The following CDC42SE2 variants were observed in gnomAD, a reference collection of about 807,000 sequenced individuals.
The protein encoded by CDC42SE2 is CDC42 small effector 2, also known as CDC42 small effector protein 2.
CDC42SE2 carries 3 observed loss-of-function variants against 11.5 expected under a neutral mutation model. The ratio of observed to expected loss-of-function variants is 0.26; its 90% CI spans 0.12 to 0.67. The LOEUF (loss-of-function observed/expected upper bound fraction) is 0.67. Among genes scored for constraint, CDC42SE2 ranks in the 30% least tolerant of loss-of-function variants. The pLI is 0.80. For synonymous variants in CDC42SE2, 33 were observed against 34.8 expected, an observed-to-expected ratio of 0.95 and a Z score of 0.18; for missense variants, 82 against 106.8, an observed-to-expected ratio of 0.77 and a Z score of 1.02.
At chr5:131,335,481 G>A (rs1758534072) in intron 2 of CDC42SE2, among the ~76,000 whole-genome samples, 1 of 152,152 alleles carries the variant, frequency 6.6e-6, no homozygotes, top group African/African-American at 2.4e-5. Flanking sequence ...TGTCTATTAG[G>A]TCGGCTTGGT....
intron 2 of CDC42SE2, among the ~76,000 whole-genome samples, chr5:131,351,461 A>C (rs372511368): frequency 3.3e-5 from 5 of 152,118 alleles, no homozygotes; most frequent in East Asian, 1.9e-4. Flanking sequence ...TCACCATGTT[A>C]GCCAGGATGG....
At chr5:131,374,360 T>C (rs1750090899) in intron 3 of CDC42SE2, among the ~76,000 whole-genome samples, 1 of 151,908 alleles carries the variant, frequency 6.6e-6, no homozygotes, top group Admixed American at 6.6e-5. Context: ...GCCAAGACGG[T>C]GAAACCCCAT....
chr5:131,326,968 T>A (rs1758313257), intron 2 of CDC42SE2, among the ~76,000 whole-genome samples: 1 of 152,178 alleles, frequency 6.6e-6, no homozygotes, highest in African/African-American at 2.4e-5. Flanking sequence ...TTGTTTGGTT[T>A]ATCCTTTCTT....
intron 1 of CDC42SE2, among the ~76,000 whole-genome samples, chr5:131,288,290 T>C (rs1024940207): frequency 6.6e-6 from 1 of 152,092 alleles, no homozygotes; most frequent in African/African-American, 2.4e-5. Context: ...ACTTTTCCTC[T>C]TATAATGTGG....
chr5:131,309,868 TC>T (rs1757864089), intron 1 of CDC42SE2, among the ~76,000 whole-genome samples: 1 of 152,040 alleles, frequency 6.6e-6, no homozygotes, highest in African/African-American at 2.4e-5. Flanking sequence ...TAGCGGTCTA[TC>T]AATTTTGTTG....
chr5:131,262,709 A>AT (rs1561563598), upstream of CDC42SE2, among the ~76,000 whole-genome samples: 1 of 152,202 alleles, frequency 6.6e-6, no homozygotes, highest in African/African-American at 2.4e-5. Flanking sequence ...TCCTGTATAA[A>AT]TTATCTATAG....
chr5:131,356,163 T>C (rs1257366443), intron 2 of CDC42SE2, among the ~76,000 whole-genome samples: 3 of 152,208 alleles, frequency 2.0e-5, no homozygotes, highest in East Asian at 1.9e-4. Context: ...CCCTTAGTTA[T>C]GTGTGGAATT....
At chr5:131,307,872 A>G (rs943509610) in intron 1 of CDC42SE2, among the ~76,000 whole-genome samples, 2 of 152,106 alleles carry the variant, frequency 1.3e-5, no homozygotes, top group African/African-American at 4.8e-5. Flanking sequence ...CTTCTTTTGA[A>G]AAGTGTCTGC....
intron 2 of CDC42SE2, among the ~76,000 whole-genome samples, chr5:131,346,608 G>A (rs1023933038): frequency 1.4e-4 from 22 of 152,006 alleles, no homozygotes; most frequent in African/African-American, 3.9e-4. Flanking sequence ...ACAGAAAGTT[G>A]ACAAGGATAT....
At chr5:131,336,335 G>T (rs899290751) in intron 2 of CDC42SE2, among the ~76,000 whole-genome samples, 2 of 152,232 alleles carry the variant, frequency 1.3e-5, no homozygotes, top group African/African-American at 4.8e-5. Context: ...TCTGCCGAGA[G>T]ATCTGCTGTT....
intron 1 of CDC42SE2, among the ~76,000 whole-genome samples, chr5:131,295,781 C>A (rs1361464441): frequency 6.6e-6 from 1 of 151,718 alleles, no homozygotes; most frequent in Non-Finnish European, 1.5e-5. Flanking sequence ...CTCCCGGGTT[C>A]ACGCCATTCT....
chr5:131,366,981 C>T (rs1409512151), intron 3 of CDC42SE2, among the ~76,000 whole-genome samples: 3 of 151,800 alleles, frequency 2.0e-5, no homozygotes, highest in Non-Finnish European at 4.4e-5. Flanking sequence ...GAGCCAGGAT[C>T]GCATCCCTGC....
chr5:131,213,222 AG>A, the CDC42SE2 span, among the ~76,000 whole-genome samples: 2 of 151,968 alleles, frequency 1.3e-5, no homozygotes, highest in Admixed American at 6.5e-5. Context: ...ATAATCCATT[AG>A]TTCATAAAGA....
chr5:131,292,509 A>C (rs1757477852), intron 1 of CDC42SE2, among the ~76,000 whole-genome samples: 1 of 148,434 alleles, frequency 6.7e-6, no homozygotes, highest in Non-Finnish European at 1.5e-5. Context: ...CGGAGGTTGC[A>C]GTGAGCCGAG....
intron 4 of CDC42SE2, among the ~76,000 whole-genome samples, chr5:131,389,545 A>G (rs1037773238): frequency 6.6e-6 from 1 of 152,220 alleles, no homozygotes; most frequent in Non-Finnish European, 1.5e-5. Flanking sequence ...TAAATAAGCT[A>G]TGCATTTTCT....
the CDC42SE2 span, among the ~76,000 whole-genome samples, chr5:131,227,955 A>G: frequency 6.6e-6 from 1 of 152,246 alleles, no homozygotes; most frequent in East Asian, 1.9e-4. Flanking sequence ...TGGGAGGCCA[A>G]GGCAGGCAGA....
intron 1 of CDC42SE2, among the ~76,000 whole-genome samples, chr5:131,311,262 A>G (rs1177513845): frequency 6.6e-6 from 1 of 150,472 alleles, no homozygotes; most frequent in Non-Finnish European, 1.5e-5. Context: ...AGAATGTTGA[A>G]TATTGGCCCA....
chr5:131,280,469 T>C (rs1757216092), intron 1 of CDC42SE2, among the ~76,000 whole-genome samples: 1 of 152,198 alleles, frequency 6.6e-6, no homozygotes, highest in South Asian at 2.1e-4. Context: ...GAAAGGGTCA[T>C]ATTGGAAAGT....
intron 3 of CDC42SE2, among the ~76,000 whole-genome samples, chr5:131,384,809 G>A (rs143222050): frequency 1.1e-4 from 17 of 150,948 alleles, no homozygotes; most frequent in African/African-American, 3.6e-4. Flanking sequence ...TCAGCCAGGC[G>A]TAGTGGTGCG....
Sources: gnomAD v4.1 joint callset for allele counts (sites outside exome capture counted in the v4.1 genomes callset) on GRCh38, gnomAD v4.1.1 for gene constraint, MANE v1.5 for transcripts, NCBI Gene and HGNC (gene_info 2026-07-23, HGNC 2026-07-21) for gene names.